The following TRIM9 variants were observed in gnomAD, a reference collection of about 807,000 sequenced individuals.
The protein encoded by TRIM9 is tripartite motif containing 9.
A neutral mutation model predicts 78.3 loss-of-function variants in TRIM9; 26 were observed. That is an observed-to-expected ratio of 0.33 (90% CI 0.24 to 0.46). The LOEUF (loss-of-function observed/expected upper bound fraction) is 0.46, where lower values mean the gene tolerates loss of function less well. Ranked by LOEUF, TRIM9 falls within the 20% of genes least tolerant of loss-of-function variation. The probability of loss-of-function intolerance (pLI) is 1.00; values close to 1 mark genes in which losing one functional copy is unlikely to be tolerated. For missense variants in TRIM9, 787 were observed against 1,036.4 expected, an observed-to-expected ratio of 0.76 and a Z score of 3.30; for synonymous variants, 398 against 416.5, an observed-to-expected ratio of 0.96 and a Z score of 0.54.
chr14:51,053,210 A>T (rs551029854), intron 1 of TRIM9, among the ~76,000 whole-genome samples: 5 of 152,164 alleles, frequency 3.3e-5, no homozygotes, highest in African/African-American at 1.2e-4. Flanking sequence ...CTATAGAGTA[A>T]AAACAAAAGA....
At chr14:50,978,396 A>T (rs952655995) in intron 12 of TRIM9, among the ~76,000 whole-genome samples, 1 of 152,100 alleles carries the variant, frequency 6.6e-6, no homozygotes, top group African/African-American at 2.4e-5. Flanking sequence ...CTCTTCCCCC[A>T]TGCATGGCTC....
intron 3 of TRIM9, among the ~76,000 whole-genome samples, chr14:51,016,330 C>T (rs763497912): frequency 1.7e-4 from 26 of 151,976 alleles, no homozygotes; most frequent in Non-Finnish European, 2.9e-4. Context: ...AGATCAGCAG[C>T]GGCATTAGAT....
chr14:50,987,118 G>T (rs2052821351), intron 7 of TRIM9, among the ~76,000 whole-genome samples: 1 of 152,220 alleles, frequency 6.6e-6, no homozygotes, highest in Non-Finnish European at 1.5e-5. Flanking sequence ...AGGAAATACA[G>T]ATGGTAGGAA....
intron 1 of TRIM9, among the ~76,000 whole-genome samples, chr14:51,037,498 T>A (rs188341465): frequency 1.7e-4 from 26 of 152,166 alleles, no homozygotes; most frequent in Admixed American, 1.1e-3. Flanking sequence ...ACAATGGTGA[T>A]CAGATCAGAA....
At chr14:51,078,522 C>T (rs957512573) in intron 1 of TRIM9, among the ~76,000 whole-genome samples, 4 of 151,974 alleles carry the variant, frequency 2.6e-5, no homozygotes, top group African/African-American at 7.2e-5. Flanking sequence ...GGTCATTCAG[C>T]CTTAAAAAAG....
At chr14:50,998,372 GATA>G (rs2054502725) in intron 6 of TRIM9, among the ~76,000 whole-genome samples, 184 bp from the exon 7 acceptor site, 1 of 152,154 alleles carries the variant, frequency 6.6e-6, no homozygotes, top group Admixed American at 6.5e-5. Flanking sequence ...TGTAAAATGG[GATA>G]ATAATATCCA....
At chr14:51,061,127 T>G (rs1397783966) in intron 1 of TRIM9, among the ~76,000 whole-genome samples, 1 of 152,192 alleles carries the variant, frequency 6.6e-6, no homozygotes, top group Non-Finnish European at 1.5e-5. Context: ...AAAATTGGAT[T>G]GTTGGCTGGG....
intron 7 of TRIM9, among the ~76,000 whole-genome samples, chr14:50,995,118 C>T (rs973235677): frequency 6.6e-6 from 1 of 152,122 alleles, no homozygotes; most frequent in Non-Finnish European, 1.5e-5. Context: ...TCCCAAGTAT[C>T]TGGGATTACA....
chr14:51,060,076 C>T (rs987853277), intron 1 of TRIM9, among the ~76,000 whole-genome samples: 1 of 152,198 alleles, frequency 6.6e-6, no homozygotes, highest in Non-Finnish European at 1.5e-5. Context: ...GATAAATCAC[C>T]TCCTGACTGG....
chr14:51,073,136 C>T (rs1370103520), intron 1 of TRIM9, among the ~76,000 whole-genome samples: 1 of 152,114 alleles, frequency 6.6e-6, no homozygotes, highest in Non-Finnish European at 1.5e-5. Flanking sequence ...TGTACACCCA[C>T]CAGGATAGCT....
chr14:51,068,327 CCAAAAACAAAAACAAAAA>C (rs566420829), intron 1 of TRIM9, among the ~76,000 whole-genome samples: 1 of 148,462 alleles, frequency 6.7e-6, no homozygotes, highest in Non-Finnish European at 1.5e-5. Context: ...TTGGTGTGCA[CCAAAAACAAAAACAAAAA>C]CAAAAACAAA....
At chr14:51,026,967 G>T (rs180719600) in intron 1 of TRIM9, among the ~76,000 whole-genome samples, 3 of 152,128 alleles carry the variant, frequency 2.0e-5, no homozygotes, top group African/African-American at 7.2e-5. Flanking sequence ...GTTACTGGCT[G>T]TTCAACCCTT....
rs77885707 is a variant in TRIM9, at chr14:50,978,934, A to T, written c.2325+453T>A. 4,554 of 1,053,026 alleles carry T rather than the reference A, an allele frequency of 4.3e-3. 153 individuals are homozygous for T. The African/African-American group carries it at 0.068, about 16-fold the overall frequency. The allele number at this position is 1,053,026 out of a possible 1,614,324, so 65.2% of individuals were successfully genotyped here. A position where few individuals can be genotyped will look rare whatever the true frequency, so the allele number is the denominator to read the frequency against. On this transcript the variant is annotated intron_variant, in intron 12 of 12. Transcript: ENST00000684578. ...GGGACTATGTTTTCTACCCCTTAGG[A>T]CCTAACAGAGCCAAACAAGAGTGCA...
At chr14:51,041,258 T>C (rs1331552839) in intron 1 of TRIM9, among the ~76,000 whole-genome samples, 2 of 152,268 alleles carry the variant, frequency 1.3e-5, no homozygotes, top group Non-Finnish European at 2.9e-5. Context: ...AATTAGTTGA[T>C]TTTGTAAATG....
chr14:51,023,220 A>G (rs1211493711), intron 2 of TRIM9, among the ~76,000 whole-genome samples: 1 of 152,240 alleles, frequency 6.6e-6, no homozygotes, highest in Non-Finnish European at 1.5e-5. Flanking sequence ...CTATTAAGCA[A>G]AACAAAGCTT....
intron 1 of TRIM9, among the ~76,000 whole-genome samples, chr14:51,031,260 C>T (rs1444424610): frequency 6.6e-6 from 1 of 151,998 alleles, no homozygotes; most frequent in East Asian, 1.9e-4. Context: ...AGGCCTCAAC[C>T]TTGACCTATA....
At chr14:51,069,933 A>G (rs2062068916) in intron 1 of TRIM9, among the ~76,000 whole-genome samples, 1 of 152,240 alleles carries the variant, frequency 6.6e-6, no homozygotes, top group African/African-American at 2.4e-5. Flanking sequence ...TAATTTCCAA[A>G]TCAATACTCA....
chr14:50,988,259 G>C (rs193012956), intron 7 of TRIM9: 24 of 152,324 alleles, frequency 1.6e-4, no homozygotes, highest in Admixed American at 1.1e-3. Flanking sequence ...TTCCCAAGCA[G>C]TTATCTGAAA....
At chr14:51,066,951 T>G (rs2061796772) in intron 1 of TRIM9, among the ~76,000 whole-genome samples, 1 of 152,216 alleles carries the variant, frequency 6.6e-6, no homozygotes, top group African/African-American at 2.4e-5. Context: ...GTTCCTTACA[T>G]AAGGACTCAT....
Sources: gnomAD v4.1 joint callset for allele counts (sites outside exome capture counted in the v4.1 genomes callset) on GRCh38, gnomAD v4.1.1 for gene constraint, MANE v1.5 for transcripts, NCBI Gene and HGNC (gene_info 2026-07-23, HGNC 2026-07-21) for gene names.